Variants in COX10 observed in about 807,000 individuals in gnomAD.
COX10 encodes the protein cytochrome c oxidase assembly factor heme A:farnesyltransferase COX10, also known as protoheme IX farnesyltransferase, mitochondrial.
In COX10, 27 loss-of-function variants were observed where a neutral mutation model predicts 37.3. The ratio of observed to expected loss-of-function variants is 0.72; its 90% CI spans 0.53 to 1.00. COX10 has a LOEUF of 1.00. Ranked by LOEUF, COX10 falls within the 50% of genes least tolerant of loss-of-function variation. COX10 has a pLI of 0.00. For missense variants in COX10, 475 were observed against 563.2 expected, an observed-to-expected ratio of 0.84 and a Z score of 1.59; for synonymous variants, 222 against 229.1, an observed-to-expected ratio of 0.97 and a Z score of 0.28.
intron 3 of COX10, among the ~76,000 whole-genome samples, chr17:14,087,741 C>G (rs1161933516): frequency 6.6e-6 from 1 of 150,508 alleles, no homozygotes; most frequent in Non-Finnish European, 1.5e-5. Flanking sequence ...TGTCCTGTTT[C>G]CCAAATCTGG....
intron 5 of COX10, among the ~76,000 whole-genome samples, chr17:14,165,630 G>C (rs1187014255): frequency 2.0e-5 from 3 of 152,188 alleles, no homozygotes; most frequent in Non-Finnish European, 4.4e-5. Context: ...GTGTGTGCAA[G>C]TGAAAGGGAC....
At chr17:14,088,802 C>T (rs965619259) in intron 3 of COX10, among the ~76,000 whole-genome samples, 2 of 152,188 alleles carry the variant, frequency 1.3e-5, no homozygotes, top group Non-Finnish European at 2.9e-5. Context: ...CTGGTACCTT[C>T]TTTGTCTGTT....
chr17:14,201,435 C>G (rs574928653), intron 6 of COX10, among the ~76,000 whole-genome samples: 49 of 152,082 alleles, frequency 3.2e-4, no homozygotes, highest in African/African-American at 1.2e-3. Flanking sequence ...AAACCCACAC[C>G]CAATTTCCTC....
chr17:14,198,456 G>T (rs570180296), intron 6 of COX10, among the ~76,000 whole-genome samples: 9 of 152,104 alleles, frequency 5.9e-5, no homozygotes, highest in Non-Finnish European at 1.2e-4. Flanking sequence ...CCCATGTTTC[G>T]GGAGTGTATG....
At chr17:14,148,850 A>G (rs1904805984) in intron 4 of COX10, among the ~76,000 whole-genome samples, 1 of 151,286 alleles carries the variant, frequency 6.6e-6, no homozygotes, top group Admixed American at 6.6e-5. Context: ...TAGGAAGATT[A>G]ATAAGTGTAT....
intron 4 of COX10, among the ~76,000 whole-genome samples, chr17:14,145,899 C>T (rs1438925081): frequency 6.6e-6 from 1 of 152,044 alleles, no homozygotes; most frequent in African/African-American, 2.4e-5. Context: ...CAACATTTTG[C>T]CTTCCTCCGA....
chr17:14,121,729 A>C (rs770133174), intron 4 of COX10, among the ~76,000 whole-genome samples: 3 of 151,956 alleles, frequency 2.0e-5, no homozygotes, highest in Admixed American at 6.5e-5. Context: ...AATTTAGAAC[A>C]TAAATAAAGT....
Position 14,074,393 on chromosome 17 carries a change from T to C in COX10, c.114T>C (p.His38=), listed in dbSNP as rs1264540759. The C allele has an allele frequency of 1.2e-6, 2 of 1,613,858 alleles. No individual in the cohort carries two copies. The highest frequency in any genetic ancestry group is 1.7e-6 in the Non-Finnish European group (2 of 1,179,830). The change falls in exon 2 of 7, where the codon CAT becomes CAC. Residue 38 remains histidine (H), a synonymous_variant. Transcript: ENST00000261643. ...TIQDSPHKFL[H]LLRNVNKQWI... ...AGGACTCCCCTCACAAGTTCTTACA[T>C]CTTCTCAGGAATGTCAATAAGCAGT...
intron 4 of COX10, among the ~76,000 whole-genome samples, chr17:14,153,803 C>T (rs997008646): frequency 6.6e-6 from 1 of 152,212 alleles, no homozygotes; most frequent in African/African-American, 2.4e-5. Flanking sequence ...ATGTTCATAG[C>T]TGCTTTTTGG....
In COX10 at chr17:14,095,105, G is replaced by A. The variant is rs962898482; in HGVS notation, c.500-7013G>A. ...TGACTTAATTGGAGAAGGAACTGTC[G>A]AACAGCTAGAGCTCTTCTGTAGCAG... On this transcript the variant is annotated intron_variant, in intron 3 of 6. Transcript: ENST00000261643. 2.6e-5 allele frequency among the ~76,000 whole-genome samples: 4 copies of A among 152,174 alleles called. No individual in the cohort carries two copies. In the South Asian group the frequency reaches 6.2e-4, roughly 24 times the overall value.
chr17:14,123,781 G>A (rs1337242904), intron 4 of COX10, among the ~76,000 whole-genome samples: 2 of 152,142 alleles, frequency 1.3e-5, no homozygotes, highest in Non-Finnish European at 2.9e-5. Context: ...AAGCAGTCTC[G>A]TGCTCACAAG....
intron 4 of COX10, among the ~76,000 whole-genome samples, chr17:14,115,582 T>A (rs1418159733): frequency 2.1e-4 from 32 of 152,154 alleles, no homozygotes; most frequent in Non-Finnish European, 1.5e-5. Flanking sequence ...CCTGCACTCA[T>A]ATGTTTATCA....
intron 6 of COX10, among the ~76,000 whole-genome samples, chr17:14,202,538 C>T (rs1029480068): frequency 6.6e-6 from 1 of 152,126 alleles, no homozygotes; most frequent in East Asian, 1.9e-4. Context: ...TACCTATAGG[C>T]GGGGTTGTTG....
chr17:14,090,081 A>T (rs989828880), intron 3 of COX10, among the ~76,000 whole-genome samples: 6 of 151,818 alleles, frequency 4.0e-5, no homozygotes, highest in African/African-American at 1.5e-4. Context: ...TGGCACTTTC[A>T]GCCTGACACC....
intron 5 of COX10, among the ~76,000 whole-genome samples, chr17:14,175,270 T>G (rs1211263004): frequency 8.2e-4 from 125 of 151,600 alleles, no homozygotes; most frequent in Admixed American, 1.5e-3. Context: ...GAAAATTATG[T>G]TCTGTTTTAG....
At chr17:14,088,788 A>G (rs538357187) in intron 3 of COX10, among the ~76,000 whole-genome samples, 1 of 152,306 alleles carries the variant, frequency 6.6e-6, no homozygotes, top group South Asian at 2.1e-4. Context: ...TGTTGCCAAC[A>G]TACCTGGTAC....
At chr17:14,106,263 C>T (rs1308274019) in intron 4 of COX10, among the ~76,000 whole-genome samples, 2 of 152,036 alleles carry the variant, frequency 1.3e-5, no homozygotes, top group African/African-American at 2.4e-5. Flanking sequence ...GTAATCCACC[C>T]GCCTCGGCCT....
intron 4 of COX10, among the ~76,000 whole-genome samples, chr17:14,136,348 T>C (rs1385273346): frequency 2.0e-5 from 3 of 152,078 alleles, no homozygotes; most frequent in African/African-American, 4.8e-5. Flanking sequence ...GTGTGACTTA[T>C]TCATTTGAGT....
intron 3 of COX10, among the ~76,000 whole-genome samples, chr17:14,083,045 C>T (rs566815700): frequency 2.6e-5 from 4 of 152,248 alleles, no homozygotes; most frequent in East Asian, 3.9e-4. Flanking sequence ...CAGGAAAAGC[C>T]GACTGGGCAA....
Sources: gnomAD v4.1 joint callset for allele counts (sites outside exome capture counted in the v4.1 genomes callset) on GRCh38, gnomAD v4.1.1 for gene constraint, MANE v1.5 for transcripts, NCBI Gene and HGNC (gene_info 2026-07-23, HGNC 2026-07-21) for gene names.